Variants in XG observed in about 807,000 individuals in gnomAD.
The protein encoded by XG is glycoprotein Xg.
In XG, 24 loss-of-function variants were observed where a neutral mutation model predicts 25.7. That is an observed-to-expected ratio of 0.93 (90% CI 0.68 to 1.31). The LOEUF (loss-of-function observed/expected upper bound fraction) is 1.31. XG is among the 40% of genes most tolerant of loss of function. XG has a pLI of 0.00. For synonymous variants in XG, 77 were observed against 69.2 expected (o/e 1.11, Z -0.56); for missense variants, 181 against 187.6 (o/e 0.96, Z 0.21).
intron 1 of XG, among the ~76,000 whole-genome samples, chrX:2,761,044 A>C (rs2050554345): frequency 6.6e-6 from 1 of 152,118 alleles, no homozygotes; most frequent in South Asian, 2.1e-4. Flanking sequence ...CACAGTGGAC[A>C]AACACATTTG....
chrX:2,788,569 G>A (rs1048279512), intron 4 of XG, among the ~76,000 whole-genome samples: 2 of 111,611 alleles, frequency 1.8e-5, no homozygotes, highest in African/African-American at 6.5e-5. Flanking sequence ...AAGTCCTGGG[G>A]CAGGGCTGGG....
intron 9 of XG, among the ~76,000 whole-genome samples, chrX:2,809,676 G>T (rs1041262065): frequency 1.8e-5 from 2 of 112,447 alleles, no homozygotes; most frequent in Non-Finnish European, 3.8e-5. Context: ...CATTCTAGTG[G>T]TCCTCCTGGT....
rs748786070 is a variant in XG at position 2,782,092 on chromosome X, T to TA, written c.155dup (p.Tyr52Ter). The change falls in exon 4 of 11, where the codon TAC becomes TAAC. Residue 52 changes from tyrosine (Y) to a stop codon, truncating the protein, a stop_gained and frameshift_variant. Transcript: ENST00000644266. LOFTEE classifies it high-confidence loss of function. ...TATCTACCCAAAGCCAAAACCACCT[T>TA]ACTACCCACAGCCCGAGAATCCCGA... Reference protein sequence around the residue: ...SDIYPKPKPPYYPQPENPDSG... With the variant: ...SDIYPKPKPP 7 of 1,211,814 alleles carry TA rather than the reference T, an allele frequency of 5.8e-6. No homozygotes were observed. The highest frequency in any genetic ancestry group is 1.1e-6 in the Non-Finnish European group (1 of 895,435).
intron 1 of XG, among the ~76,000 whole-genome samples, chrX:2,754,167 T>G (rs2050387841): frequency 6.6e-6 from 1 of 152,136 alleles, no homozygotes. Flanking sequence ...GGTTCCATCA[T>G]AGCTCACTGC....
chrX:2,781,037 G>C (rs753138887), intron 3 of XG, among the ~76,000 whole-genome samples: 1 of 152,046 alleles, frequency 6.6e-6, no homozygotes, highest in Admixed American at 6.6e-5. Context: ...ATGAGTGAGA[G>C]CACTTGGAAA....
intron 1 of XG, chrX:2,752,965 T>G: frequency 1.1e-5 from 11 of 985,440 alleles, no homozygotes; most frequent in Non-Finnish European, 1.3e-5. Context: ...GAAACTCCAA[T>G]GAACTCATAA....
rs141741331 is a variant in XG, at chrX:2,756,306, G to T, written c.61+3971G>T. ...CCAGAAGTGGAAACCCCAAAGGGCA[G>T]TGTATGAAATGTCATTTATTGAGGG... On this transcript the variant is annotated intron_variant, in intron 1 of 10. Transcript: ENST00000644266. Among the ~76,000 whole-genome samples the T allele has an allele frequency of 4.4e-3, 666 of 152,226 alleles. 2 individuals are homozygous for T. The highest frequency in any genetic ancestry group is 0.015 in the South Asian group (70 of 4,822).
rs1393407397 is a variant in XG at position 2,815,618 on chromosome X, A to G, written c.*1238A>G. The G allele has an allele frequency of 9.0e-6, 1 of 110,775 alleles. No individual in the cohort carries two copies. Among genetic ancestry groups the G allele is most frequent in the Non-Finnish European group, 1.9e-5 (1 of 52,894 alleles). 9.1% of individuals were successfully genotyped at this position (110,775 alleles called of 1,213,427 possible). On this transcript the variant is annotated 3_prime_UTR_variant, in exon 11 of 11. Coordinates refer to ENST00000644266, the MANE Select transcript of XG (RefSeq NM_001141919.2). ...GGTCTCAAATGTGGATTCATGCATC[A>G]TTTGTGCAGTTTGAAGATAGTCCAT...
intron 7 of XG, among the ~76,000 whole-genome samples, chrX:2,801,045 A>G (rs1490076774): frequency 7.6e-4 from 83 of 108,765 alleles, no homozygotes; most frequent in Non-Finnish European, 5.7e-4. Flanking sequence ...GTACTATGAG[A>G]TGAGTTCCTT....
At chrX:2,753,011 T>G (rs1441223715) in intron 1 of XG, 4 of 983,162 alleles carry the variant, frequency 4.1e-6, no homozygotes, top group Non-Finnish European at 4.8e-6. Flanking sequence ...GTAAGTTTCT[T>G]TGGTCATTTT....
chrX:2,783,100 A>T (rs1249101980), intron 4 of XG, among the ~76,000 whole-genome samples: 1 of 111,440 alleles, frequency 9.0e-6, no homozygotes, highest in Non-Finnish European at 1.9e-5. Flanking sequence ...GACACTTTGC[A>T]TTATCATCAC....
At chrX:2,797,569 C>T (rs2086897588) in intron 7 of XG, among the ~76,000 whole-genome samples, 1 of 105,923 alleles carries the variant, frequency 9.4e-6, no homozygotes, top group African/African-American at 3.7e-5. Flanking sequence ...CACACATACA[C>T]ACACGCATAC....
chrX:2,779,827 G>A (rs2534634), intron 3 of XG, among the ~76,000 whole-genome samples: 42,696 of 151,494 alleles, frequency 0.28, 2,766 homozygotes, highest in African/African-American at 0.39. Flanking sequence ...TTGTATTTTT[G>A]GTAGAGACGG....
intron 2 of XG, among the ~76,000 whole-genome samples, chrX:2,773,185 A>G (rs1233809874): frequency 6.6e-6 from 1 of 150,714 alleles, no homozygotes; most frequent in Non-Finnish European, 1.5e-5. Flanking sequence ...AAAGGATGGA[A>G]ACAAGGAGGG....
rs778743248 is a variant in XG, at chrX:2,770,043, C to T, written c.62-507C>T. 6.9e-3 allele frequency among the ~76,000 whole-genome samples: 692 copies of T among 100,178 alleles called. 6 individuals carry two copies. Among genetic ancestry groups the T allele is most frequent in the Middle Eastern group, 0.015 (3 of 198 alleles). 65.7% of individuals were successfully genotyped at this position (100,178 alleles called of 152,430 possible). On this transcript the variant is annotated intron_variant, in intron 1 of 10. Coordinates refer to ENST00000644266, the MANE Select transcript of XG (RefSeq NM_001141919.2). ...GAGGGGTGGGGGGGGCGTTGGGGGGCGGGGATATGCCTGTCCTAAGCTGTG... is the reference window on the plus strand; with the variant it reads ...GAGGGGTGGGGGGGGCGTTGGGGGGTGGGGATATGCCTGTCCTAAGCTGTG...
intron 3 of XG, 60 bp from the exon 4 acceptor site, chrX:2,781,999 TCTGCAGC>T: frequency 9.1e-7 from 1 of 1,101,803 alleles, no homozygotes; most frequent in Non-Finnish European, 1.3e-6. Flanking sequence ...TGAGCTTGTT[TCTGCAGC>T]CTGCTCCTAA....
At chrX:2,778,961 A>T (rs2051061679) in intron 3 of XG, among the ~76,000 whole-genome samples, 1 of 151,890 alleles carries the variant, frequency 6.6e-6, no homozygotes, top group African/African-American at 2.4e-5. Context: ...ACGGGGTTTC[A>T]CCAAGTTGGC....
At chrX:2,766,787 G>C (rs373110557) in intron 1 of XG, among the ~76,000 whole-genome samples, 4 of 151,382 alleles carry the variant, frequency 2.6e-5, no homozygotes, top group Non-Finnish European at 4.4e-5. Flanking sequence ...GGATGGTCTC[G>C]ATCTCCTGAC....
chrX:2,797,586 GCACA>G (rs755459001), intron 7 of XG, among the ~76,000 whole-genome samples: 15 of 102,549 alleles, frequency 1.5e-4, no homozygotes, highest in Middle Eastern at 4.4e-3. Flanking sequence ...ATACACACAT[GCACA>G]CACACACACA....
Sources: allele counts gnomAD v4.1 joint callset (sites outside exome capture counted in the v4.1 genomes callset), GRCh38; gene constraint gnomAD v4.1.1; transcripts MANE v1.5; gene names NCBI Gene and HGNC (gene_info 2026-07-23, HGNC 2026-07-21).